The following OR3A3 variants were observed in gnomAD, a reference collection of about 807,000 sequenced individuals.
The protein encoded by OR3A3 is olfactory receptor family 3 subfamily A member 3, also known as olfactory receptor 3A3.
For missense variants in OR3A3, 275 were observed against 391.4 expected, an observed-to-expected ratio of 0.70 and a Z score of 2.51; for synonymous variants, 103 against 163.9, an observed-to-expected ratio of 0.63 and a Z score of 2.84.
Position 3,420,245 on chromosome 17 carries a change from T to A in OR3A3, c.-6-335T>A, listed in dbSNP as rs2072421802. On this transcript the variant is annotated intron_variant, in intron 2 of 2. Transcript: ENST00000641141. ...CATCATCTCACACAGTTACCCATTTTCCCCCTTCCGGCAAGAGCAACTATA... is the reference window on the plus strand; with the variant it reads ...CATCATCTCACACAGTTACCCATTTACCCCCTTCCGGCAAGAGCAACTATA... 3.9e-5 allele frequency among the ~76,000 whole-genome samples: 6 copies of A among 152,188 alleles called. No homozygotes were observed. In the South Asian group the frequency reaches 1.2e-3, roughly 32 times the overall value.
chr17:3,412,504 G>A (rs1026887156), intron 2 of OR3A3, among the ~76,000 whole-genome samples: 1 of 147,646 alleles, frequency 6.8e-6, no homozygotes, highest in African/African-American at 2.5e-5. Flanking sequence ...GGATGGGCTG[G>A]AGTTCCAGAG....
chr17:3,414,157 C>CA lies in OR3A3; in HGVS notation c.-7+1987dup, dbSNP rs546148165. On this transcript the variant is annotated intron_variant, in intron 2 of 2. Transcript: ENST00000641141. The stretch of plus-strand genomic sequence containing the variant: ...CGCAATTTCAGCTCACTGCAACCTC[C>CA]ACCTCCCGGGTTCAAGCGATTCTCC... Among the ~76,000 whole-genome samples the CA allele has an allele frequency of 8.6e-4, 131 of 152,254 alleles. 1 individual carries two copies. The highest frequency in any genetic ancestry group is 2.5e-3 in the African/African-American group (102 of 41,558).
exon 3 of OR3A3, chr17:3,421,356 A>T (rs1468750954): frequency 6.2e-7 from 1 of 1,614,192 alleles, no homozygotes; most frequent in South Asian, 1.1e-5. Flanking sequence ...TCTATGGGAC[A>T]GGTGTCTTCA....
intron 2 of OR3A3, among the ~76,000 whole-genome samples, chr17:3,413,852 A>AAAAAAC (rs2072375715): frequency 1.8e-5 from 2 of 113,084 alleles, no homozygotes; most frequent in Non-Finnish European, 4.3e-5. Flanking sequence ...AAACAAAAAA[A>AAAAAAC]AAAAACTTTA....
chr17:3,414,965 C>G (rs2072382134), intron 2 of OR3A3, among the ~76,000 whole-genome samples: 1 of 151,932 alleles, frequency 6.6e-6, no homozygotes, highest in Non-Finnish European at 1.5e-5. Flanking sequence ...AACACTAAAA[C>G]CCATTATATT....
At chr17:3,420,459 G>A (rs373098336) in intron 2 of OR3A3, 121 bp from the exon 3 acceptor site, 18 of 1,496,230 alleles carry the variant, frequency 1.2e-5, no homozygotes, top group Non-Finnish European at 1.4e-5. Context: ...AAGGCATTGA[G>A]GTGTTGGAGG....
intron 2 of OR3A3, among the ~76,000 whole-genome samples, chr17:3,417,809 A>G (rs1364552983): frequency 1.3e-5 from 2 of 152,214 alleles, no homozygotes; most frequent in East Asian, 1.9e-4. Flanking sequence ...ATTTCTGCCA[A>G]TATACCCAAA....
chr17:3,416,037 C>T (rs898162679), intron 2 of OR3A3, among the ~76,000 whole-genome samples: 1 of 151,854 alleles, frequency 6.6e-6, no homozygotes, highest in Non-Finnish European at 1.5e-5. Flanking sequence ...TTGTCAAACT[C>T]TTGAGCTCAA....
At position 3,413,845 on chromosome 17, in the gene OR3A3, CA is replaced by C. The variant is rs34648972; in HGVS notation, c.-7+1686del. Among the ~76,000 whole-genome samples, 273 of 143,156 alleles carry C rather than the reference CA, an allele frequency of 1.9e-3. 1 individual carries two copies. The highest frequency in any genetic ancestry group is 5.8e-3 in the African/African-American group (227 of 38,826). The allele number at this position is 143,156 out of a possible 152,430, so 93.9% of individuals were successfully genotyped here. ...CAAAAAAAAACAAAAAAACAAAAAA[CA>C]AAAAAAAAAAACTTTAAGGACCTCT... On this transcript the variant is annotated intron_variant, in intron 2 of 2. Transcript: ENST00000641141.
chr17:3,421,302 G>A (rs1284907135), exon 3 of OR3A3: 1 of 1,614,238 alleles, frequency 6.2e-7, no homozygotes, highest in Non-Finnish European at 8.5e-7. Flanking sequence ...GCAGAAAGAA[G>A]GCCTTCTCCA....
chr17:3,416,677 G>GA (rs2072394006), intron 2 of OR3A3, among the ~76,000 whole-genome samples: 1 of 151,860 alleles, frequency 6.6e-6, no homozygotes, highest in Non-Finnish European at 1.5e-5. Context: ...TTGGAGTTCA[G>GA]AAAAATAGAA....
At chr17:3,413,868 C>T (rs887457736) in intron 2 of OR3A3, among the ~76,000 whole-genome samples, 3 of 150,268 alleles carry the variant, frequency 2.0e-5, no homozygotes, top group Non-Finnish European at 4.5e-5. Flanking sequence ...CTTTAAGGAC[C>T]TCTTAGAGAT....
intron 2 of OR3A3, among the ~76,000 whole-genome samples, chr17:3,417,484 T>TA (rs1451688856): frequency 6.6e-6 from 1 of 152,020 alleles, no homozygotes; most frequent in Non-Finnish European, 1.5e-5. Flanking sequence ...CGTCTTACAG[T>TA]AAAAAAAATT....
intron 1 of OR3A3, among the ~76,000 whole-genome samples, 163 bp downstream of exon 1, chr17:3,411,647 C>A (rs1412606886): frequency 3.9e-5 from 6 of 152,198 alleles, no homozygotes; most frequent in African/African-American, 1.4e-4. Context: ...TGCACTCCAG[C>A]CTGGGCGACA....
intron 2 of OR3A3, among the ~76,000 whole-genome samples, chr17:3,414,468 G>A (rs779991455): frequency 2.0e-5 from 3 of 152,136 alleles, no homozygotes; most frequent in African/African-American, 2.4e-5. Context: ...ATGAATGCCC[G>A]GTGGATTTCC....
At chr17:3,413,669 C>T (rs1401996249) in intron 2 of OR3A3, among the ~76,000 whole-genome samples, 5 of 151,706 alleles carry the variant, frequency 3.3e-5, no homozygotes, top group Non-Finnish European at 4.4e-5. Context: ...AAAAATTAGC[C>T]GGGCGTGGTG....
chr17:3,421,688 T>G (rs1360925642), exon 3 of OR3A3: 1 of 674,066 alleles, frequency 1.5e-6, no homozygotes, highest in African/African-American at 1.8e-5. Flanking sequence ...TATAATTCAT[T>G]CATTTATTCA....
intron 1 of OR3A3, among the ~76,000 whole-genome samples, 196 bp downstream of exon 1, chr17:3,411,680 AAAAAGAAAAG>A (rs779692753): frequency 6.6e-6 from 1 of 152,224 alleles, no homozygotes; most frequent in Non-Finnish European, 1.5e-5. Context: ...GTCTCAAAGA[AAAAAGAAAAG>A]AAAAGAAAAT....
At chr17:3,423,877 G>T (rs993458158) in exon 3 of OR3A3, 6 of 150,750 alleles carry the variant, frequency 4.0e-5, no homozygotes, top group Admixed American at 3.3e-4. Flanking sequence ...AAGTTGCAGT[G>T]AGCTGAGATA....
Sources: allele counts gnomAD v4.1 joint callset (sites outside exome capture counted in the v4.1 genomes callset), GRCh38; gene constraint gnomAD v4.1.1; transcripts MANE v1.5; gene names NCBI Gene and HGNC (gene_info 2026-07-23, HGNC 2026-07-21).